The following EXOC4 variants were observed in gnomAD, a reference collection of about 807,000 sequenced individuals.
The protein encoded by EXOC4 is SEC8-like 1.
In EXOC4, 71 loss-of-function variants were observed where a neutral mutation model predicts 107.2. The ratio of observed to expected loss-of-function variants is 0.66; its 90% CI spans 0.55 to 0.81. The LOEUF (loss-of-function observed/expected upper bound fraction) is 0.81. Ranked by LOEUF, EXOC4 falls within the 30% of genes least tolerant of loss-of-function variation. EXOC4 has a pLI of 0.00. For missense variants in EXOC4, 1,108 were observed against 1,189.6 expected (o/e 0.93, Z 1.01); for synonymous variants, 456 against 441.2 (o/e 1.03, Z -0.42).
intron 11 of EXOC4, among the ~76,000 whole-genome samples, chr7:133,887,422 G>A (rs1445922855): frequency 6.6e-6 from 1 of 152,150 alleles, no homozygotes; most frequent in East Asian, 1.9e-4. Flanking sequence ...AAAGAAAAGA[G>A]GAATGCTGAT....
intron 11 of EXOC4, among the ~76,000 whole-genome samples, chr7:133,845,385 A>G (rs920753566): frequency 2.1e-5 from 3 of 145,702 alleles, no homozygotes; most frequent in Non-Finnish European, 4.5e-5. Flanking sequence ...ACAATATTAT[A>G]TATAATATAC....
At chr7:133,548,791 C>A (rs549317581) in intron 9 of EXOC4, among the ~76,000 whole-genome samples, 1 of 152,194 alleles carries the variant, frequency 6.6e-6, no homozygotes, top group African/African-American at 2.4e-5. Context: ...GTTTGATCTT[C>A]TATCCAGACC....
intron 9 of EXOC4, among the ~76,000 whole-genome samples, chr7:133,563,418 C>T (rs1018281281): frequency 3.3e-5 from 5 of 152,148 alleles, no homozygotes; most frequent in African/African-American, 9.7e-5. Context: ...TAGTTTTACT[C>T]GTTTCTCCTC....
chr7:134,088,215 A>G, the EXOC4 span, among the ~76,000 whole-genome samples: 1 of 148,678 alleles, frequency 6.7e-6, no homozygotes, highest in South Asian at 2.1e-4. Flanking sequence ...CCTTAAAGGA[A>G]AACACACCAT....
chr7:133,590,457 A>G (rs1311436981), intron 9 of EXOC4, among the ~76,000 whole-genome samples: 1 of 151,978 alleles, frequency 6.6e-6, no homozygotes, highest in Non-Finnish European at 1.5e-5. Flanking sequence ...CTGCAGCCCA[A>G]AGTCCTGTTT....
intron 14 of EXOC4, among the ~76,000 whole-genome samples, chr7:133,955,125 A>G (rs1198272152): frequency 6.6e-6 from 1 of 152,132 alleles, no homozygotes; most frequent in Non-Finnish European, 1.5e-5. Context: ...AGCCCTGTTT[A>G]TGTTATACCT....
At chr7:133,766,765 T>C (rs751553969) in intron 10 of EXOC4, among the ~76,000 whole-genome samples, 2 of 151,990 alleles carry the variant, frequency 1.3e-5, no homozygotes, top group Non-Finnish European at 2.9e-5. Context: ...ATATATTCTC[T>C]GAAGCATTTG....
intron 11 of EXOC4, among the ~76,000 whole-genome samples, chr7:133,867,478 G>A (rs921389252): frequency 3.3e-5 from 5 of 152,118 alleles, no homozygotes; most frequent in African/African-American, 1.2e-4. Context: ...CAAACACCTG[G>A]CTGGTGGATT....
intron 17 of EXOC4, among the ~76,000 whole-genome samples, chr7:134,016,261 T>G (rs886079825): frequency 3.9e-5 from 6 of 152,024 alleles, no homozygotes; most frequent in Non-Finnish European, 8.8e-5. Flanking sequence ...CAAACAGATA[T>G]GGGGAATCAT....
chr7:133,517,993 G>T (rs758556585), intron 9 of EXOC4, among the ~76,000 whole-genome samples: 1 of 151,776 alleles, frequency 6.6e-6, no homozygotes, highest in African/African-American at 2.4e-5. Flanking sequence ...GGACTGGCTC[G>T]ATTAGGGTTG....
intron 9 of EXOC4, among the ~76,000 whole-genome samples, chr7:133,600,416 T>C (rs1219562687): frequency 1.3e-5 from 2 of 152,148 alleles, no homozygotes; most frequent in African/African-American, 2.4e-5. Context: ...AGTAGCTACG[T>C]TATTATAAGC....
At chr7:133,874,192 C>T (rs927445936) in intron 11 of EXOC4, among the ~76,000 whole-genome samples, 1 of 152,142 alleles carries the variant, frequency 6.6e-6, no homozygotes, top group Non-Finnish European at 1.5e-5. Context: ...GCAACTTGTT[C>T]AATATCTCAA....
intron 9 of EXOC4, among the ~76,000 whole-genome samples, chr7:133,548,275 G>A (rs1019735611): frequency 2.0e-5 from 3 of 151,860 alleles, no homozygotes; most frequent in Non-Finnish European, 4.4e-5. Flanking sequence ...TCCATCTTTC[G>A]GCTCCACTTC....
chr7:133,961,639 T>C (rs554968945), intron 14 of EXOC4, among the ~76,000 whole-genome samples: 7 of 152,168 alleles, frequency 4.6e-5, no homozygotes, highest in Non-Finnish European at 1.0e-4. Context: ...AAATGGATGT[T>C]GTTTTAAGCC....
At chr7:133,513,112 T>C (rs922120617) in intron 9 of EXOC4, among the ~76,000 whole-genome samples, 1 of 152,148 alleles carries the variant, frequency 6.6e-6, no homozygotes, top group Non-Finnish European at 1.5e-5. Context: ...CTCAAAAAAA[T>C]ATATAAATAA....
At chr7:133,965,503 G>A (rs1023684606) in intron 14 of EXOC4, among the ~76,000 whole-genome samples, 1 of 152,114 alleles carries the variant, frequency 6.6e-6, no homozygotes, top group South Asian at 2.1e-4. Context: ...CTTAATTTTT[G>A]TATAAGGTGT....
At chr7:133,478,346 A>C (rs1346927694) in intron 8 of EXOC4, among the ~76,000 whole-genome samples, 2 of 152,118 alleles carry the variant, frequency 1.3e-5, no homozygotes, top group Admixed American at 1.3e-4. Context: ...GAAATGAACA[A>C]ATTGGCTTAA....
chr7:133,341,559 T>C (rs1432086426), intron 5 of EXOC4, among the ~76,000 whole-genome samples: 1 of 152,180 alleles, frequency 6.6e-6, no homozygotes, highest in African/African-American at 2.4e-5. Context: ...ATTTGTTCTA[T>C]GGTATGGTTA....
intron 14 of EXOC4, among the ~76,000 whole-genome samples, chr7:133,939,792 A>C (rs949698814): frequency 2.6e-5 from 4 of 152,220 alleles, no homozygotes; most frequent in African/African-American, 4.8e-5. Flanking sequence ...ATTTTACATA[A>C]GGAGGTATCC....
Sources: allele counts gnomAD v4.1 joint callset (sites outside exome capture counted in the v4.1 genomes callset), GRCh38; gene constraint gnomAD v4.1.1; transcripts MANE v1.5; gene names NCBI Gene and HGNC (gene_info 2026-07-23, HGNC 2026-07-21).